Variants in CDH11 observed in about 807,000 individuals in gnomAD.
CDH11 encodes the protein cadherin-11.
Under a neutral mutation model 67.8 loss-of-function variants are expected in CDH11, and 11 were observed. That is an observed-to-expected ratio of 0.16 (90% confidence interval 0.10 to 0.27). The LOEUF is 0.27. CDH11 is among the 10% of genes least tolerant of loss of function. The pLI, the probability that CDH11 is intolerant of heterozygous loss-of-function variation, is 1.00. For synonymous variants in CDH11, 419 were observed against 400.0 expected (o/e 1.05, Z -0.57); for missense variants, 847 against 1,031.2 (o/e 0.82, Z 2.45).
At chr16:65,088,735 C>T (rs898842129) in intron 1 of CDH11, among the ~76,000 whole-genome samples, 22 of 152,084 alleles carry the variant, frequency 1.4e-4, no homozygotes, top group African/African-American at 5.3e-4. Flanking sequence ...TTTTTATGAG[C>T]TTCTATCTTG....
intron 11 of CDH11, among the ~76,000 whole-genome samples, chr16:64,952,707 G>A (rs549694863): frequency 7.0e-4 from 106 of 151,950 alleles, no homozygotes; most frequent in Non-Finnish European, 1.4e-3. Context: ...TTCTGGTATG[G>A]TCTGCCTCTG....
chr16:64,989,765 C>T (rs917635870), intron 6 of CDH11, among the ~76,000 whole-genome samples: 10 of 152,200 alleles, frequency 6.6e-5, no homozygotes, highest in African/African-American at 2.2e-4. Context: ...TTGCTTTTCA[C>T]ATTTAATACT....
intron 11 of CDH11, among the ~76,000 whole-genome samples, chr16:64,961,582 A>G (rs1237853803): frequency 6.6e-6 from 1 of 152,168 alleles, no homozygotes; most frequent in Non-Finnish European, 1.5e-5. Context: ...ATAAATTATT[A>G]TTAGGATTAT....
At chr16:64,965,516 A>G (rs2071795293) in intron 11 of CDH11, among the ~76,000 whole-genome samples, 1 of 152,146 alleles carries the variant, frequency 6.6e-6, no homozygotes, top group Non-Finnish European at 1.5e-5. Context: ...CAGGGGTAGT[A>G]ACACACATGG....
chr16:65,059,477 G>A (rs891267359), intron 1 of CDH11: 2 of 152,306 alleles, frequency 1.3e-5, no homozygotes, highest in Non-Finnish European at 2.9e-5. Context: ...GCCGATGGAC[G>A]GGCGTAGAGA....
At chr16:64,967,962 C>T (rs2071888607) in intron 11 of CDH11, among the ~76,000 whole-genome samples, 1 of 152,082 alleles carries the variant, frequency 6.6e-6, no homozygotes, top group South Asian at 2.1e-4. Flanking sequence ...TTCCCTGGAA[C>T]CCTAGATTAA....
At chr16:65,096,663 A>G (rs1213942191) in intron 1 of CDH11, among the ~76,000 whole-genome samples, 1 of 148,934 alleles carries the variant, frequency 6.7e-6, no homozygotes, top group African/African-American at 2.5e-5. Context: ...ATATATACCA[A>G]ATATATACAG....
At chr16:65,006,322 G>A (rs558242516) in intron 2 of CDH11, among the ~76,000 whole-genome samples, 2 of 152,266 alleles carry the variant, frequency 1.3e-5, no homozygotes, top group East Asian at 3.9e-4. Flanking sequence ...GAGCATTGTA[G>A]GAATCACTGT....
At chr16:65,089,947 C>T (rs1052472384) in intron 1 of CDH11, among the ~76,000 whole-genome samples, 2 of 151,842 alleles carry the variant, frequency 1.3e-5, no homozygotes, top group Non-Finnish European at 2.9e-5. Flanking sequence ...AGTGAACATA[C>T]AAAAAATTTA....
chr16:64,956,234 A>T (rs928759597), intron 11 of CDH11, among the ~76,000 whole-genome samples: 4 of 152,204 alleles, frequency 2.6e-5, no homozygotes, highest in African/African-American at 9.7e-5. Flanking sequence ...CCATATTGTC[A>T]TCTGTGAAAC....
intron 1 of CDH11, among the ~76,000 whole-genome samples, chr16:65,065,124 G>A (rs1431465630): frequency 1.3e-5 from 2 of 152,106 alleles, no homozygotes; most frequent in South Asian, 2.1e-4. Context: ...GGAATTACAG[G>A]GAGAGACAAA....
At chr16:65,111,975 C>G (rs1388759054) in intron 1 of CDH11, among the ~76,000 whole-genome samples, 1 of 147,050 alleles carries the variant, frequency 6.8e-6, no homozygotes, top group Non-Finnish European at 1.5e-5. Context: ...GAGGCCGAGG[C>G]AGGATAATCA....
Position 65,043,063 on chromosome 16 carries a change from T to C in CDH11, c.-173+10741A>G, listed in dbSNP as rs574511427. On this transcript the variant is annotated intron_variant, in intron 2 of 12. Coordinates refer to ENST00000268603, the MANE Select transcript of CDH11 (RefSeq NM_001797.4). ...TGACCAGAATGCTCTGAAAGTTGCA[T>C]AATTTTAGTGCAGAAACAGGATTAA... Among the ~76,000 whole-genome samples, 6 of 152,348 alleles carry C rather than the reference T, an allele frequency of 3.9e-5. No homozygotes were observed. In the South Asian group the frequency reaches 6.2e-4, roughly 16 times the overall value.
At chr16:65,044,145 A>G (rs1042399434) in intron 2 of CDH11, among the ~76,000 whole-genome samples, 1 of 152,166 alleles carries the variant, frequency 6.6e-6, no homozygotes, top group African/African-American at 2.4e-5. Context: ...AATGGAGACC[A>G]TGCTCTTATT....
chr16:65,001,577 T>A (rs2072920557), intron 3 of CDH11, among the ~76,000 whole-genome samples: 1 of 152,242 alleles, frequency 6.6e-6, no homozygotes. Flanking sequence ...GGCCTTCATA[T>A]ATTACATGTG....
intron 8 of CDH11, among the ~76,000 whole-genome samples, chr16:64,978,499 A>T (rs1224852043): frequency 6.6e-6 from 1 of 152,242 alleles, no homozygotes; most frequent in Non-Finnish European, 1.5e-5. Context: ...GTGAGAAAAA[A>T]GATGAAGAAC....
intron 1 of CDH11, among the ~76,000 whole-genome samples, chr16:65,115,726 A>AC (rs2075234379): frequency 6.6e-6 from 1 of 150,564 alleles, no homozygotes; most frequent in African/African-American, 2.5e-5. Context: ...AAAAAACAAA[A>AC]AAACAAAACC....
chr16:65,049,493 T>C (rs2074019855), intron 2 of CDH11, among the ~76,000 whole-genome samples: 2 of 152,134 alleles, frequency 1.3e-5, no homozygotes, highest in Admixed American at 6.5e-5. Context: ...AAAGTCTTGG[T>C]GACGTCAAAC....
At chr16:64,991,393 G>T in intron 6 of CDH11, 1 of 178,212 alleles carries the variant, frequency 5.6e-6, no homozygotes, top group Non-Finnish European at 1.2e-5. Flanking sequence ...CCAGCAATTT[G>T]TTACACAGTA....
Sources: gnomAD v4.1 joint callset for allele counts (sites outside exome capture counted in the v4.1 genomes callset) on GRCh38, gnomAD v4.1.1 for gene constraint, MANE v1.5 for transcripts, NCBI Gene and HGNC (gene_info 2026-07-23, HGNC 2026-07-21) for gene names.